CSNK1G1: variants seen among roughly 807,000 people sequenced by gnomAD.
CSNK1G1 encodes the protein casein kinase 1 gamma 1, also known as casein kinase I isoform gamma-1.
Under a neutral mutation model 59.6 loss-of-function variants are expected in CSNK1G1, and 22 were observed. The observed-to-expected ratio is 0.37, with a 90% CI of 0.26 to 0.53. CSNK1G1 has a LOEUF of 0.53. Ranked by LOEUF, CSNK1G1 falls within the 20% of genes least tolerant of loss-of-function variation. CSNK1G1 has a pLI of 0.89. For missense variants in CSNK1G1, 384 were observed against 519.5 expected, an observed-to-expected ratio of 0.74 and a Z score of 2.54; for synonymous variants, 179 against 177.1, an observed-to-expected ratio of 1.01 and a Z score of -0.08.
At chr15:64,230,169 T>G (rs62021592) in intron 4 of CSNK1G1, among the ~76,000 whole-genome samples, 29,544 of 151,750 alleles carry the variant, frequency 0.19, 4,014 homozygotes, top group African/African-American at 0.39. Context: ...CCAAAGTGCT[T>G]GGATTATAGG....
At position 64,169,024 on chromosome 15, in the gene CSNK1G1, C is replaced by G. The variant is rs2081634399; in HGVS notation, c.*2907G>C. On this transcript the variant is annotated 3_prime_UTR_variant, in exon 12 of 12. Coordinates refer to ENST00000303052, the MANE Select transcript of CSNK1G1 (RefSeq NM_022048.5). ...GGTGAGAACAGTGTCTTAGGAAGTA[C>G]AGTCCCCTACAACTGATCCAGTAAA... The G allele has an allele frequency of 6.6e-6, 1 of 152,544 alleles. No individual in the cohort carries two copies. The highest frequency in any genetic ancestry group is 2.1e-4 in the South Asian group (1 of 4,828). 9.4% of individuals were successfully genotyped at this position (152,544 alleles called of 1,614,324 possible).
rs1898659091 is a variant in CSNK1G1 at position 64,356,070 on chromosome 15, A to C, written c.-307T>G. ...GCCAAGTGCTTCTCTACCCACCCGC[A>C]GCGGTGGTTTCTCTCTTTCCCAGGA... is the stretch of plus-strand genomic sequence containing the variant. On this transcript the variant is annotated 5_prime_UTR_variant, in exon 1 of 12. Transcript: ENST00000303052. 6.6e-6 allele frequency: 1 copy of C among 152,098 alleles called. No homozygotes were observed. The highest frequency in any genetic ancestry group is 2.4e-5 in the African/African-American group (1 of 41,402). The allele number at this position is 152,098 out of a possible 1,614,324, so 9.4% of individuals were successfully genotyped here. A position where few individuals can be genotyped will look rare whatever the true frequency, so the allele number is the denominator to read the frequency against.
At chr15:64,274,100 G>A (rs756826247) in intron 2 of CSNK1G1, among the ~76,000 whole-genome samples, 5 of 152,174 alleles carry the variant, frequency 3.3e-5, no homozygotes, top group Non-Finnish European at 7.3e-5. Context: ...GCTAGCTTGC[G>A]TTTACTTAAT....
chr15:64,281,966 G>C (rs116419486), intron 2 of CSNK1G1, among the ~76,000 whole-genome samples: 1 of 150,464 alleles, frequency 6.6e-6, no homozygotes, highest in African/African-American at 2.4e-5. Flanking sequence ...CTGCTGCCCA[G>C]CCTGGAGTGT....
At chr15:64,292,484 C>T (rs891633779) in intron 2 of CSNK1G1, among the ~76,000 whole-genome samples, 1 of 152,164 alleles carries the variant, frequency 6.6e-6, no homozygotes. Context: ...ATTTGTTGTG[C>T]CTCCATTTTG....
Position 64,170,010 on chromosome 15 carries a change from G to A in CSNK1G1, c.*1921C>T, listed in dbSNP as rs983073067. ...GACAGCCCTGCACCTCAAACCAGAG[G>A]TGAAGACTTCTATGGTCCACAAACC... On this transcript the variant is annotated 3_prime_UTR_variant, in exon 12 of 12. Transcript: ENST00000303052. The A allele has an allele frequency of 1.3e-5, 2 of 152,150 alleles. No homozygotes were observed. Among genetic ancestry groups the A allele is most frequent in the African/African-American group, 2.4e-5 (1 of 41,420 alleles). 9.4% of individuals were successfully genotyped at this position (152,150 alleles called of 1,614,324 possible). A position where few individuals can be genotyped will look rare whatever the true frequency, so the allele number is the denominator to read the frequency against.
intron 10 of CSNK1G1, among the ~76,000 whole-genome samples, chr15:64,191,120 G>C (rs2081964758): frequency 3.3e-5 from 5 of 152,148 alleles, no homozygotes; most frequent in Admixed American, 2.6e-4. Context: ...GGAGTGCAGT[G>C]GCACGATCTC....
chr15:64,207,021 T>C (rs1169983087), intron 7 of CSNK1G1, among the ~76,000 whole-genome samples: 1 of 152,118 alleles, frequency 6.6e-6, no homozygotes, highest in Non-Finnish European at 1.5e-5. Context: ...ACACTCCTCC[T>C]GCTACATAAT....
chr15:64,296,944 T>G, intron 2 of CSNK1G1, among the ~76,000 whole-genome samples: 1 of 146,184 alleles, frequency 6.8e-6, no homozygotes, highest in Admixed American at 6.7e-5. Flanking sequence ...TTACTTTTTT[T>G]TTTTTTTTTT....
At chr15:64,207,196 T>C (rs2082193910) in intron 7 of CSNK1G1, among the ~76,000 whole-genome samples, 1 of 152,252 alleles carries the variant, frequency 6.6e-6, no homozygotes, top group Admixed American at 6.5e-5. Context: ...ATTTATAATG[T>C]AGACTAATGT....
At chr15:64,241,629 A>G (rs1445720302) in intron 4 of CSNK1G1, among the ~76,000 whole-genome samples, 1 of 152,220 alleles carries the variant, frequency 6.6e-6, no homozygotes, top group Non-Finnish European at 1.5e-5. Flanking sequence ...AGGAAATAAA[A>G]CCAGAGATCA....
rs765715878 is a variant in CSNK1G1 at position 64,300,445 on chromosome 15, C to A, written c.55G>T (p.Ala19Ser). 2 of 1,614,178 alleles carry A rather than the reference C, an allele frequency of 1.2e-6. No individual in the cohort carries two copies. Among genetic ancestry groups the A allele is most frequent in the South Asian group, 2.2e-5 (2 of 91,080 alleles). ...CGAGAGCAGTGTGCACTCCTTTGTG[C>A]CATGGGTTTAGTTGTCCGTTGTCTT... is the stretch of plus-strand genomic sequence containing the variant. ...DERQRTTKPM[A>S]QRSAHCSRPS... The change falls in exon 2 of 12, where the codon GCA (alanine) becomes TCA (serine). Residue 19 changes from alanine to serine, a missense_variant. Ala to Ser is a moderately conservative substitution (Grantham distance 99). Around this residue, in one of 3 missense-constraint regions of CSNK1G1, gnomAD observed 56 missense variants for 60.8 expected, o/e 0.92. Transcript: ENST00000303052.
intron 4 of CSNK1G1, among the ~76,000 whole-genome samples, chr15:64,242,929 A>T (rs1310448905): frequency 6.6e-6 from 1 of 152,232 alleles, no homozygotes; most frequent in Non-Finnish European, 1.5e-5. Context: ...GATTCAACAT[A>T]CATAAATTAA....
chr15:64,296,840 G>T (rs1484281078), intron 2 of CSNK1G1, among the ~76,000 whole-genome samples: 1 of 150,852 alleles, frequency 6.6e-6, no homozygotes, highest in African/African-American at 2.4e-5. Flanking sequence ...CTCTAGCCTG[G>T]GCAAAAAGAG....
intron 1 of CSNK1G1, among the ~76,000 whole-genome samples, chr15:64,313,367 T>C (rs915706104): frequency 1.3e-5 from 2 of 152,170 alleles, no homozygotes; most frequent in Admixed American, 6.5e-5. Context: ...CCATCAATGA[T>C]AGACTGCATA....
intron 1 of CSNK1G1, among the ~76,000 whole-genome samples, chr15:64,303,184 C>A (rs1224906948): frequency 1.3e-5 from 2 of 148,462 alleles, no homozygotes; most frequent in African/African-American, 5.0e-5. Context: ...GTGCTATTAT[C>A]ATGCCAGTAA....
intron 3 of CSNK1G1, among the ~76,000 whole-genome samples, chr15:64,254,811 C>T (rs1486952925): frequency 6.6e-6 from 1 of 152,160 alleles, no homozygotes; most frequent in African/African-American, 2.4e-5. Context: ...TCCAACTTAG[C>T]TAGTTTTTTT....
intron 1 of CSNK1G1, among the ~76,000 whole-genome samples, chr15:64,303,987 C>G (rs1380118172): frequency 6.6e-6 from 1 of 150,514 alleles, no homozygotes; most frequent in South Asian, 2.1e-4. Flanking sequence ...ACTTGTAGAA[C>G]AGAACAATCA....
At chr15:64,321,031 G>T (rs1896534581) in intron 1 of CSNK1G1, among the ~76,000 whole-genome samples, 1 of 151,940 alleles carries the variant, frequency 6.6e-6, no homozygotes, top group African/African-American at 2.4e-5. Flanking sequence ...AAAAGCAAAA[G>T]TATGAGATAT....
Sources: allele counts gnomAD v4.1 joint callset (sites outside exome capture counted in the v4.1 genomes callset), GRCh38; gene constraint gnomAD v4.1.1; regional missense constraint gnomAD v4.1.1; transcripts MANE v1.5; gene names NCBI Gene and HGNC (gene_info 2026-07-23, HGNC 2026-07-21).